The following ARL6IP1 variants were observed in gnomAD, a reference collection of about 807,000 sequenced individuals.
ARL6IP1 encodes the protein ARL6 interacting reticulophagy regulator 1.
Under a neutral mutation model 30.1 loss-of-function variants are expected in ARL6IP1, and 16 were observed. That is an observed-to-expected ratio of 0.53 (90% CI 0.36 to 0.81). The LOEUF (loss-of-function observed/expected upper bound fraction) is 0.81. Ranked by LOEUF, ARL6IP1 falls within the 30% of genes least tolerant of loss-of-function variation. The pLI is 0.01. For synonymous variants in ARL6IP1, 72 were observed against 84.8 expected (o/e 0.85, Z 0.83); for missense variants, 173 against 242.7 (o/e 0.71, Z 1.91).
intron 4 of ARL6IP1, chr16:18,795,249 C>G (rs2030195708): frequency 4.9e-6 from 2 of 404,764 alleles, no homozygotes; most frequent in Non-Finnish European, 8.9e-6. Flanking sequence ...AAAAATGAAA[C>G]AGAAGAATTT....
intron 2 of ARL6IP1, chr16:18,798,338 T>C (rs749992222): frequency 3.5e-5 from 11 of 318,144 alleles, no homozygotes; most frequent in Middle Eastern, 8.9e-4. Flanking sequence ...ATACCTAATG[T>C]AGATGAAGGG....
rs929156388 is a variant in ARL6IP1 at position 18,791,884 on chromosome 16, G to A, written c.*1368C>T. ...AAAAATCAAACATATGCTACAATGG[G>A]CACCACTGTTCACAGCAATATTAAA... is the stretch of plus-strand genomic sequence containing the variant. On this transcript the variant is annotated 3_prime_UTR_variant, in exon 6 of 6. Transcript: ENST00000304414. The A allele has an allele frequency of 1.3e-5, 2 of 152,440 alleles. No homozygotes were observed. The highest frequency in any genetic ancestry group is 2.9e-5 in the Non-Finnish European group (2 of 68,006). The allele number at this position is 152,440 out of a possible 1,614,324, so 9.4% of individuals were successfully genotyped here. A position where few individuals can be genotyped will look rare whatever the true frequency, so the allele number is the denominator to read the frequency against.
Position 18,793,180 on chromosome 16 carries a change from C to A in ARL6IP1, c.*72G>T, listed in dbSNP as rs2030118928. The A allele has an allele frequency of 1.1e-6, 1 of 929,376 alleles. No homozygotes were observed. Among genetic ancestry groups the A allele is most frequent in the Non-Finnish European group, 1.7e-6 (1 of 598,608 alleles). 57.6% of individuals were successfully genotyped at this position (929,376 alleles called of 1,614,324 possible). A position where few individuals can be genotyped will look rare whatever the true frequency, so the allele number is the denominator to read the frequency against. On this transcript the variant is annotated 3_prime_UTR_variant, in exon 6 of 6. Transcript: ENST00000304414. ...AGCTACTTCCGTAACATTTTAGTAT[C>A]CAGATAGTACAGCAGAAACGGTTCC...
At chr16:18,801,273 G>A in intron 1 of ARL6IP1, 158 bp downstream of exon 1, 2 of 1,465,750 alleles carry the variant, frequency 1.4e-6, no homozygotes, top group African/African-American at 1.4e-5. Flanking sequence ...TCGACACCCA[G>A]GAGTCACCCA....
At chr16:18,794,256 T>C (rs912691166) in intron 5 of ARL6IP1, among the ~76,000 whole-genome samples, 11 of 152,310 alleles carry the variant, frequency 7.2e-5, no homozygotes, top group South Asian at 4.1e-4. Context: ...CAGCCAGTTA[T>C]TACATTTTAA....
Position 18,795,541 on chromosome 16 carries a change from T to C in ARL6IP1, c.331A>G (p.Asn111Asp), listed in dbSNP as rs2030204584. The change falls in exon 4 of 6, where the codon AAT becomes GAT. Residue 111 changes from asparagine (N) to aspartate (D), a missense_variant. Coordinates refer to ENST00000304414, the MANE Select transcript of ARL6IP1 (RefSeq NM_015161.3). ...GCTCTGCGTCGAGTTTTTACTAGAT[T>C]GCTGCAAATTTCATGGAATCTTTGC... Reference protein sequence around the residue: ...QQQRFHEICSNLVKTRRRAVG... With the variant: ...QQQRFHEICSDLVKTRRRAVG... The C allele has an allele frequency of 6.2e-7, 1 of 1,613,562 alleles. No homozygotes were observed. The highest frequency in any genetic ancestry group is 1.3e-5 in the African/African-American group (1 of 74,924).
intron 3 of ARL6IP1, among the ~76,000 whole-genome samples, chr16:18,797,006 A>C (rs960923987): frequency 6.6e-6 from 1 of 152,162 alleles, no homozygotes; most frequent in African/African-American, 2.4e-5. Context: ...ATCAAAACTC[A>C]ACATGCTAGA....
At chr16:18,795,796 AGT>A (rs146265293) in intron 3 of ARL6IP1, among the ~76,000 whole-genome samples, 24 of 151,652 alleles carry the variant, frequency 1.6e-4, no homozygotes, top group Admixed American at 3.9e-4. Context: ...TGAGAGAGAG[AGT>A]GTGTGTGTGT....
At chr16:18,797,140 G>A (rs2030256233) in intron 3 of ARL6IP1, among the ~76,000 whole-genome samples, 1 of 152,072 alleles carries the variant, frequency 6.6e-6, no homozygotes, top group African/African-American at 2.4e-5. Context: ...AGCACTTTGG[G>A]AGGCCGAGGC....
chr16:18,796,503 A>G (rs2030236142), intron 3 of ARL6IP1, among the ~76,000 whole-genome samples: 1 of 152,252 alleles, frequency 6.6e-6, no homozygotes, highest in Non-Finnish European at 1.5e-5. Context: ...TGCTCTATCA[A>G]TAACTGAGTC....
rs2030119562 is a variant in ARL6IP1, at chr16:18,793,193, C to T, written c.*59G>A. ...ACATTTTAGTATCCAGATAGTACAG[C>T]AGAAACGGTTCCCGGGGCAATGGGT... On this transcript the variant is annotated 3_prime_UTR_variant, in exon 6 of 6. Transcript: ENST00000304414. 9.0e-7 allele frequency: 1 copy of T among 1,113,194 alleles called. No homozygotes were observed. Among genetic ancestry groups the T allele is most frequent in the Non-Finnish European group, 1.3e-6 (1 of 742,372 alleles). 69.0% of individuals were successfully genotyped at this position (1,113,194 alleles called of 1,614,324 possible). A position where few individuals can be genotyped will look rare whatever the true frequency, so the allele number is the denominator to read the frequency against.
intron 3 of ARL6IP1, among the ~76,000 whole-genome samples, chr16:18,797,406 G>C (rs920072984): frequency 6.6e-6 from 1 of 150,536 alleles, no homozygotes; most frequent in Non-Finnish European, 1.5e-5. Context: ...AAAAGAGAAT[G>C]GTATAAATAA....
chr16:18,798,092 CCTAA>C, intron 2 of ARL6IP1, 48 bp from the exon 3 acceptor site: 1 of 1,505,912 alleles, frequency 6.6e-7, no homozygotes, highest in Non-Finnish European at 9.0e-7. Context: ...CATTATTATT[CCTAA>C]CTAAACATGT....
chr16:18,792,268 C>A lies in ARL6IP1; in HGVS notation c.*984G>T, dbSNP rs1349001346. ...TGTAGTCACTATCTCCCATGTCAAA[C>A]CTAGGGGACTAAAATGGTCAGTATT... is the stretch of plus-strand genomic sequence containing the variant. On this transcript the variant is annotated 3_prime_UTR_variant, in exon 6 of 6. Transcript: ENST00000304414. 2.0e-5 allele frequency: 3 copies of A among 152,144 alleles called. No individual in the cohort carries two copies. Among genetic ancestry groups the A allele is most frequent in the Non-Finnish European group, 4.4e-5 (3 of 68,044 alleles). 9.4% of individuals were successfully genotyped at this position (152,144 alleles called of 1,614,324 possible).
Position 18,798,038 on chromosome 16 carries a change from G to A in ARL6IP1, c.177C>T (p.Ile59=), listed in dbSNP as rs367581150. 3.3e-5 allele frequency: 52 copies of A among 1,583,736 alleles called. No individual in the cohort carries two copies. The highest frequency in any genetic ancestry group is 4.0e-5 in the Non-Finnish European group (47 of 1,169,916). Residue 59 remains isoleucine, a synonymous_variant, in exon 3 of 6, where the codon ATC becomes ATT. Transcript: ENST00000304414. ...ACAGAACAGATGGATCTAGATAGTA[G>A]ATAATCCTGTTAAAAAAATTAATAA... The part of the protein sequence containing the change: ...MGVVSLVFLI[I]YYLDPSVLSG...
At chr16:18,794,760 AAAG>A (rs2030179239) in intron 4 of ARL6IP1, 77 bp from the exon 5 acceptor site, 6 of 1,051,394 alleles carry the variant, frequency 5.7e-6, no homozygotes, top group Non-Finnish European at 8.5e-6. Context: ...TTTGTCAATT[AAAG>A]AAGAATGTGT....
intron 1 of ARL6IP1, among the ~76,000 whole-genome samples, chr16:18,800,987 C>T (rs1490740822): frequency 6.6e-6 from 1 of 152,212 alleles, no homozygotes; most frequent in African/African-American, 2.4e-5. Context: ...AAATTCTGGG[C>T]AGTAGCCCTT....
chr16:18,799,051 G>A (rs772423454), intron 1 of ARL6IP1, among the ~76,000 whole-genome samples: 10 of 151,362 alleles, frequency 6.6e-5, no homozygotes, highest in Admixed American at 2.6e-4. Context: ...ACGGAGTCTC[G>A]CTCTGTCACC....
At chr16:18,794,792 A>C in intron 4 of ARL6IP1, 109 bp from the exon 5 acceptor site, 1 of 735,076 alleles carries the variant, frequency 1.4e-6, no homozygotes, top group Non-Finnish European at 2.2e-6. Flanking sequence ...TCGGGAAATA[A>C]TTTAGCTTTT....
Sources: allele counts gnomAD v4.1 joint callset (sites outside exome capture counted in the v4.1 genomes callset), GRCh38; gene constraint gnomAD v4.1.1; transcripts MANE v1.5; gene names NCBI Gene and HGNC (gene_info 2026-07-23, HGNC 2026-07-21).